RMST: variants seen among roughly 807,000 people sequenced by gnomAD.
RMST encodes the protein long intergenic non-protein coding RNA 54.
At chr12:97,560,201 G>A (rs748076607) in intron 11 of RMST, among the ~76,000 whole-genome samples, 1 of 152,164 alleles carries the variant, frequency 6.6e-6, no homozygotes, top group African/African-American at 2.4e-5. Flanking sequence ...TGACATTGTA[G>A]GTTAATAGTA....
chr12:97,513,361 G>A (rs996478271), intron 10 of RMST, among the ~76,000 whole-genome samples: 1 of 152,222 alleles, frequency 6.6e-6, no homozygotes, highest in African/African-American at 2.4e-5. Context: ...ATAGAGAATG[G>A]AAGGGCTCTG....
At chr12:97,481,933 A>G (rs966833730) in intron 5 of RMST, among the ~76,000 whole-genome samples, 17 of 152,184 alleles carry the variant, frequency 1.1e-4, no homozygotes, top group African/African-American at 3.9e-4. Context: ...GGCCAACACG[A>G]GCATGAATGT....
intron 5 of RMST, chr12:97,483,537 A>G (rs1875705391): frequency 6.6e-6 from 1 of 152,194 alleles, no homozygotes; most frequent in African/African-American, 2.4e-5. Flanking sequence ...CCATTTAAAA[A>G]TGTTCATTTT....
chr12:97,511,880 C>G (rs1288397862), intron 10 of RMST, among the ~76,000 whole-genome samples: 1 of 152,156 alleles, frequency 6.6e-6, no homozygotes, highest in African/African-American at 2.4e-5. Context: ...ATGTGTATAC[C>G]TGTTGGTATA....
At chr12:97,550,550 C>T (rs1357237927) in intron 11 of RMST, among the ~76,000 whole-genome samples, 2 of 152,154 alleles carry the variant, frequency 1.3e-5, no homozygotes, top group Non-Finnish European at 2.9e-5. Flanking sequence ...TTAGCAAATT[C>T]TCACTTTCCT....
At chr12:97,531,378 A>G (rs1456097963) in intron 11 of RMST, among the ~76,000 whole-genome samples, 1 of 152,050 alleles carries the variant, frequency 6.6e-6, no homozygotes, top group African/African-American at 2.4e-5. Context: ...TTAAAACAAC[A>G]TTTATAAAGA....
intron 10 of RMST, among the ~76,000 whole-genome samples, chr12:97,499,484 G>GA (rs1877824868): frequency 6.6e-6 from 1 of 152,094 alleles, no homozygotes; most frequent in Non-Finnish European, 1.5e-5. Context: ...TGTATGCTTA[G>GA]AAAACCATTT....
rs1592732165 is a variant in RMST, at chr12:97,521,965, T to C, written n.1341-8690T>C. Among the ~76,000 whole-genome samples the C allele has an allele frequency of 1.3e-5, 2 of 152,362 alleles. 1 individual carries two copies. Among genetic ancestry groups the C allele is most frequent in the Middle Eastern group, 6.8e-3 (2 of 294 alleles). On this transcript the variant is annotated intron_variant and non_coding_transcript_variant, in intron 10 of 13. Coordinates refer to ENST00000640149, the Ensembl canonical transcript of RMST. ...TGTTTTAGTTTCTTATCTCACATAC[T>C]TGATTGCTGTGTTTCTTCTATTAAA...
At chr12:97,465,327 T>C (rs1340768106) in intron 4 of RMST, among the ~76,000 whole-genome samples, 2 of 152,134 alleles carry the variant, frequency 1.3e-5, no homozygotes, top group Non-Finnish European at 2.9e-5. Context: ...TATTGGTGAC[T>C]CCCGGGAATA....
At chr12:97,485,585 C>A (rs1192817548) in intron 5 of RMST, among the ~76,000 whole-genome samples, 1 of 152,186 alleles carries the variant, frequency 6.6e-6, no homozygotes, top group Non-Finnish European at 1.5e-5. Flanking sequence ...TGCCAAGCAT[C>A]TGCCTGATAA....
At chr12:97,538,889 A>T (rs1882296418) in intron 11 of RMST, among the ~76,000 whole-genome samples, 1 of 151,450 alleles carries the variant, frequency 6.6e-6, no homozygotes, top group African/African-American at 2.4e-5. Context: ...TTCACAAATG[A>T]TTCACAGCTA....
At chr12:97,526,389 A>G (rs905942068) in intron 10 of RMST, among the ~76,000 whole-genome samples, 2 of 152,290 alleles carry the variant, frequency 1.3e-5, no homozygotes, top group East Asian at 1.9e-4. Context: ...ATTCTACAGT[A>G]TGAATATAAC....
intron 10 of RMST, among the ~76,000 whole-genome samples, chr12:97,500,870 T>G (rs1878011234): frequency 6.6e-6 from 1 of 152,218 alleles, no homozygotes; most frequent in African/African-American, 2.4e-5. Context: ...AACTATGGAT[T>G]GATACTTTCA....
chr12:97,495,344 T>C (rs7303900), intron 9 of RMST, among the ~76,000 whole-genome samples: 114,388 of 151,826 alleles, frequency 0.75, 44,010 homozygotes, highest in African/African-American at 0.89. Flanking sequence ...GTGGCGATTG[T>C]GTCTACTATT....
At chr12:97,495,325 G>A (rs1181933287) in intron 9 of RMST, among the ~76,000 whole-genome samples, 1 of 152,040 alleles carries the variant, frequency 6.6e-6, no homozygotes, top group African/African-American at 2.4e-5. Context: ...CATGAGGATT[G>A]TGAGATAAGT....
intron 10 of RMST, among the ~76,000 whole-genome samples, chr12:97,502,051 G>A (rs1247121105): frequency 1.3e-5 from 2 of 152,020 alleles, no homozygotes; most frequent in African/African-American, 2.4e-5. Context: ...GATCTGTTTG[G>A]ACCAATCATT....
At chr12:97,492,833 T>C (rs1056021624) in intron 6 of RMST, 1 of 152,168 alleles carries the variant, frequency 6.6e-6, no homozygotes, top group Non-Finnish European at 1.5e-5. Context: ...AAAAGCATGA[T>C]TGTATATTTT....
intron 5 of RMST, among the ~76,000 whole-genome samples, chr12:97,477,226 A>G (rs868776794): frequency 3.3e-5 from 5 of 152,192 alleles, no homozygotes; most frequent in South Asian, 2.1e-4. Flanking sequence ...AGCAATATAA[A>G]ATATCAACGT....
At chr12:97,557,641 A>C (rs1883802896) in intron 11 of RMST, among the ~76,000 whole-genome samples, 1 of 152,132 alleles carries the variant, frequency 6.6e-6, no homozygotes, top group African/African-American at 2.4e-5. Flanking sequence ...TAGACTTCCC[A>C]TTGCAAGCAT....
Sources: gnomAD v4.1 joint callset for allele counts (sites outside exome capture counted in the v4.1 genomes callset) on GRCh38, gnomAD v4.1.1 for gene constraint, MANE v1.5 for transcripts, NCBI Gene and HGNC (gene_info 2026-07-23, HGNC 2026-07-21) for gene names.